Variants in DOCK11 observed in about 807,000 individuals in gnomAD.
The protein encoded by DOCK11 is dedicator of cytokinesis protein 11.
DOCK11 carries 70 observed loss-of-function variants against 169.1 expected under a neutral mutation model. That is an observed-to-expected ratio of 0.41 (90% CI 0.34 to 0.51). The LOEUF is 0.51. Among genes scored for constraint, DOCK11 ranks in the 20% least tolerant of loss-of-function variants. The pLI, the probability that DOCK11 is intolerant of heterozygous loss-of-function variation, is 0.10. For missense variants in DOCK11, 1,166 were observed against 1,538.8 expected (o/e 0.76, Z 4.05); for synonymous variants, 529 against 541.3 (o/e 0.98, Z 0.32).
chrX:118,648,602 T>C, intron 40 of DOCK11, among the ~76,000 whole-genome samples: 1 of 99,299 alleles, frequency 1.0e-5, no homozygotes, highest in Non-Finnish European at 2.0e-5. Flanking sequence ...ATATATAATA[T>C]ATTAATATAT....
chrX:118,685,775 G>A lies in DOCK11; in HGVS notation c.6190G>A (p.Gly2064Ser), dbSNP rs2016844799. Reference sequence around the variant, plus strand: ...AATTAGTGGTACATCAAGTGACCGAGGTTATGGTTCCCCAAGATACGCTGA... The same window carrying A: ...AATTAGTGGTACATCAAGTGACCGAAGTTATGGTTCCCCAAGATACGCTGA... ...CAISGTSSDR[G>S]YGSPRYAEV Residue 2064 changes from glycine (G) to serine (S), a missense_variant, in exon 53 of 53, where the codon GGT becomes AGT. Gly to Ser is a moderately conservative substitution (Grantham distance 56). Coordinates refer to ENST00000276202, the MANE Select transcript of DOCK11 (RefSeq NM_144658.4). The A allele has an allele frequency of 1.7e-6, 2 of 1,209,909 alleles. No homozygotes were observed. The highest frequency in any genetic ancestry group is 4.4e-5 in the Admixed American group (2 of 45,673).
intron 19 of DOCK11, among the ~76,000 whole-genome samples, chrX:118,592,927 G>A (rs1287647867): frequency 8.9e-6 from 1 of 112,622 alleles, no homozygotes; most frequent in African/African-American, 3.2e-5. Flanking sequence ...TGATGATGTA[G>A]TTTTGACTTA....
At position 118,566,718 on chromosome X, in the gene DOCK11, A is replaced by G. The variant is rs924038352; in HGVS notation, c.951+65A>G. 2.8e-5 allele frequency: 27 copies of G among 972,670 alleles called. No individual in the cohort carries two copies. In the East Asian group the frequency reaches 8.2e-4, roughly 30 times the overall value. 80.2% of individuals were successfully genotyped at this position (972,670 alleles called of 1,213,427 possible). ...ATGCAGGATTAGCTATTAAAGTTTT[A>G]ATGCTGGATTCCATTTGGCAATGTC... On this transcript the variant is annotated intron_variant, in intron 9 of 52. Transcript: ENST00000276202.
At chrX:118,661,608 TGA>T (rs1293494673) in intron 44 of DOCK11, among the ~76,000 whole-genome samples, 5 of 112,109 alleles carry the variant, frequency 4.5e-5, no homozygotes, top group Non-Finnish European at 9.4e-5. Context: ...TGTGTCTGTG[TGA>T]CTAGCTCCTA....
intron 1 of DOCK11, among the ~76,000 whole-genome samples, chrX:118,502,299 G>A (rs1328872486): frequency 1.8e-5 from 2 of 111,754 alleles, no homozygotes; most frequent in Non-Finnish European, 3.8e-5. Context: ...TTCACCATGG[G>A]CTAGACCTAG....
intron 1 of DOCK11, among the ~76,000 whole-genome samples, chrX:118,508,351 G>A (rs191598272): frequency 6.1e-4 from 68 of 111,302 alleles, no homozygotes; most frequent in African/African-American, 2.1e-3. Context: ...TATATTAGTA[G>A]TTTAGTTTTC....
In DOCK11 at chrX:118,685,717, C is replaced by T. The variant is rs750628062; in HGVS notation, c.6132C>T (p.Pro2044=). The T allele has an allele frequency of 6.6e-5, 80 of 1,208,980 alleles. 1 individual carries two copies. In the South Asian group the frequency reaches 1.3e-3, roughly 19 times the overall value. The part of the protein sequence containing the change: ...QILQEDTMHS[P]WMSNTLHVFC... ...TACAAGAAGACACAATGCATTCTCC[C>T]TGGATGAGCAACACATTACATGTAT... The change falls in exon 53 of 53, where the codon CCC becomes CCT. Residue 2044 remains proline, a synonymous_variant. Transcript: ENST00000276202.
chrX:118,680,456 T>C (rs750856473), intron 48 of DOCK11, 26 bp from the exon 49 acceptor site: 6 of 885,114 alleles, frequency 6.8e-6, no homozygotes, highest in Non-Finnish European at 7.4e-6. Context: ...ATAAAATAAA[T>C]AAATAAAAAC....
intron 12 of DOCK11, among the ~76,000 whole-genome samples, chrX:118,578,102 A>T (rs965851314): frequency 4.4e-5 from 5 of 112,426 alleles, no homozygotes; most frequent in African/African-American, 1.6e-4. Flanking sequence ...CTTTTAGAGG[A>T]TGATTTAGTT....
rs771521669 is a variant in DOCK11, at chrX:118,649,110, T to G, written c.4564T>G (p.Leu1522Val). The G allele has an allele frequency of 1.7e-6, 2 of 1,198,213 alleles. No homozygotes were observed. The highest frequency in any genetic ancestry group is 3.5e-5 in the African/African-American group (2 of 56,439). ...NFEYTKRKTF[L>V]RTHLQIIIAV... is the part of the protein sequence containing the mutation. The stretch of plus-strand genomic sequence containing the variant: ...TGAGTATACCAAAAGGAAAACCTTT[T>G]TGAGGACACATCTACAGGTCAGTGA... Residue 1522 changes from leucine to valine, a missense_variant, in exon 41 of 53, where the codon TTG becomes GTG. By Grantham distance (32) the Leu-to-Val change is conservative. Transcript: ENST00000276202.
chrX:118,584,481 C>A (rs2013754341), intron 14 of DOCK11, among the ~76,000 whole-genome samples: 1 of 112,007 alleles, frequency 8.9e-6, no homozygotes, highest in Non-Finnish European at 1.9e-5. Context: ...AATAAATTGG[C>A]TGTGAACATT....
At chrX:118,545,955 T>G in intron 5 of DOCK11, 66 bp from the exon 6 acceptor site, 1 of 794,675 alleles carries the variant, frequency 1.3e-6, no homozygotes, top group East Asian at 3.2e-5. Flanking sequence ...TCTGTGCCCC[T>G]AAATGTTTCG....
intron 40 of DOCK11, among the ~76,000 whole-genome samples, chrX:118,648,496 G>GATAT: frequency 1.1e-5 from 1 of 91,817 alleles, no homozygotes; most frequent in Admixed American, 1.4e-4. Flanking sequence ...ATATTATATT[G>GATAT]ATATGTTAAT....
At chrX:118,614,850 T>C in intron 29 of DOCK11, 75 bp downstream of exon 29, 1 of 722,225 alleles carries the variant, frequency 1.4e-6, no homozygotes, top group Non-Finnish European at 2.1e-6. Flanking sequence ...TATTCTCTTC[T>C]AGGGGATTAG....
At chrX:118,532,042 G>A (rs1258503618) in intron 1 of DOCK11, among the ~76,000 whole-genome samples, 1 of 109,768 alleles carries the variant, frequency 9.1e-6, no homozygotes, top group African/African-American at 3.3e-5. Flanking sequence ...ATAGGGAAGG[G>A]AATTGGCTTA....
At chrX:118,533,474 T>G (rs2011651824) in intron 1 of DOCK11, among the ~76,000 whole-genome samples, 1 of 111,794 alleles carries the variant, frequency 8.9e-6, no homozygotes, top group South Asian at 3.7e-4. Flanking sequence ...CAAACTAGAG[T>G]CTGTCAGTTT....
chrX:118,579,062 C>G (rs2013544367), intron 13 of DOCK11, among the ~76,000 whole-genome samples: 1 of 112,211 alleles, frequency 8.9e-6, no homozygotes, highest in African/African-American at 3.2e-5. Flanking sequence ...GAAAGACAGA[C>G]AGTGAACATT....
intron 22 of DOCK11, among the ~76,000 whole-genome samples, 169 bp from the exon 23 acceptor site, chrX:118,598,970 C>T (rs896546625): frequency 8.9e-6 from 1 of 111,770 alleles, no homozygotes; most frequent in African/African-American, 3.3e-5. Context: ...GTGTACATGG[C>T]AGATTTACCT....
chrX:118,641,682 C>A (rs1363864655), intron 39 of DOCK11, among the ~76,000 whole-genome samples: 1 of 111,679 alleles, frequency 9.0e-6, no homozygotes, highest in Non-Finnish European at 1.9e-5. Flanking sequence ...GATGTCCGGG[C>A]AGTCTGGCTG....
Sources: gnomAD v4.1 joint callset for allele counts (sites outside exome capture counted in the v4.1 genomes callset) on GRCh38, gnomAD v4.1.1 for gene constraint, MANE v1.5 for transcripts, NCBI Gene and HGNC (gene_info 2026-07-23, HGNC 2026-07-21) for gene names.